Variants in TMF1 observed in about 807,000 individuals in gnomAD.
TMF1 encodes the protein TATA element modulatory factor 1, also known as TATA element modulatory factor.
Under a neutral mutation model 126.5 loss-of-function variants are expected in TMF1, and 71 were observed. That is an observed-to-expected ratio of 0.56 (90% CI 0.46 to 0.68). The LOEUF (loss-of-function observed/expected upper bound fraction) is 0.68, where lower values mean the gene tolerates loss of function less well. Ranked by LOEUF, TMF1 falls within the 30% of genes least tolerant of loss-of-function variation. The pLI is 0.00. For synonymous variants in TMF1, 461 were observed against 430.5 expected (o/e 1.07, Z -0.88); for missense variants, 1,259 against 1,253.2 (o/e 1.00, Z -0.07).
At chr3:69,023,655 C>T (rs1421457836) in intron 16 of TMF1, among the ~76,000 whole-genome samples, 2 of 152,074 alleles carry the variant, frequency 1.3e-5, no homozygotes, top group African/African-American at 2.4e-5. Flanking sequence ...TATTACCCGG[C>T]ATTTAGCCCA....
chr3:69,036,586 A>C (rs1205233077), intron 8 of TMF1, among the ~76,000 whole-genome samples: 1 of 152,230 alleles, frequency 6.6e-6, no homozygotes, highest in African/African-American at 2.4e-5. Flanking sequence ...CCAAACTCTA[A>C]TAAAATGGTT....
At chr3:69,037,533 T>G (rs2107462902) in intron 8 of TMF1, among the ~76,000 whole-genome samples, 1 of 152,094 alleles carries the variant, frequency 6.6e-6, no homozygotes, top group African/African-American at 2.4e-5. Context: ...TCCCAGCTAC[T>G]CGGGAGGCTG....
intron 5 of TMF1, chr3:69,042,588 T>C (rs757622299): frequency 1.5e-6 from 1 of 647,946 alleles, no homozygotes. Flanking sequence ...GGGACTTACT[T>C]TTCTTTTTAC....
intron 8 of TMF1, 82 bp downstream of exon 8, chr3:69,038,482 A>G (rs1056111374): frequency 1.4e-6 from 2 of 1,470,292 alleles, no homozygotes; most frequent in Non-Finnish European, 1.9e-6. Context: ...ACATTGTTTG[A>G]TTCAAACCAG....
Position 69,052,021 on chromosome 3 carries a change from C to G in TMF1, c.66G>C (p.Lys22Asn). ...FAKQALSQAQKSIDRVLDIQE... is the reference protein window; with the variant it reads ...FAKQALSQAQNSIDRVLDIQE... ...GGATGTCCAGAACCCTGTCAATAGACTTCTGGGCCTGGGACAGGGCCTGCT... is the reference window on the plus strand; with the variant it reads ...GGATGTCCAGAACCCTGTCAATAGAGTTCTGGGCCTGGGACAGGGCCTGCT... Residue 22 changes from lysine (K) to asparagine (N), a missense_variant, in exon 1 of 17, where the codon AAG (lysine) becomes AAC (asparagine). By Grantham distance (94) the Lys-to-Asn change is moderately conservative. Coordinates refer to ENST00000398559, the MANE Select transcript of TMF1 (RefSeq NM_007114.3). The G allele has an allele frequency of 1.9e-6, 3 of 1,614,030 alleles. No homozygotes were observed. Among genetic ancestry groups the G allele is most frequent in the Non-Finnish European group, 2.5e-6 (3 of 1,179,976 alleles).
In TMF1 at chr3:69,047,768, G is replaced by A. The variant is rs1559635768; in HGVS notation, c.937C>T (p.Leu313Phe). 1 of 1,614,108 alleles carries A rather than the reference G, an allele frequency of 6.2e-7. No individual in the cohort carries two copies. The highest frequency in any genetic ancestry group is 8.5e-7 in the Non-Finnish European group (1 of 1,180,016). ...TCAGATGAACAGCAACTCTCAGTGA[G>A]TTTTTGGAAATCATCTAAACGATTA... ...EYNRLDDFQK[L>F]TESCCSSDAF... Residue 313 changes from leucine to phenylalanine, a missense_variant, in exon 2 of 17, where the codon CTC becomes TTC. Coordinates refer to ENST00000398559, the MANE Select transcript of TMF1 (RefSeq NM_007114.3).
Position 69,042,802 on chromosome 3 carries a change from C to T in TMF1, c.1684+5G>A, listed in dbSNP as rs772698238. 11 of 1,609,678 alleles carry T rather than the reference C, an allele frequency of 6.8e-6. No homozygotes were observed. The highest frequency in any genetic ancestry group is 2.2e-5 in the East Asian group (1 of 44,800). ...TTTTCATAGTCAACCAAATACTATA[C>T]GCACCTTCTTCCATTAACCCTCGGA... On this transcript the variant is annotated splice_donor_5th_base_variant and intron_variant, in intron 5 of 16. Coordinates refer to ENST00000398559, the MANE Select transcript of TMF1 (RefSeq NM_007114.3).
At chr3:69,031,497 T>C (rs889986302) in intron 10 of TMF1, among the ~76,000 whole-genome samples, 7 of 152,202 alleles carry the variant, frequency 4.6e-5, no homozygotes, top group South Asian at 2.1e-4. Context: ...ATTGTATCAA[T>C]GTCAATACCA....
At chr3:69,023,780 C>T (rs1303883110) in intron 16 of TMF1, among the ~76,000 whole-genome samples, 2 of 152,066 alleles carry the variant, frequency 1.3e-5, no homozygotes, top group Admixed American at 1.3e-4. Context: ...CAAAATATTA[C>T]TAAGATCATA....
At chr3:69,051,140 C>A (rs962877972) in intron 1 of TMF1, among the ~76,000 whole-genome samples, 2 of 152,114 alleles carry the variant, frequency 1.3e-5, no homozygotes, top group African/African-American at 4.8e-5. Context: ...ATGTAAAACA[C>A]GGATATAAAC....
chr3:69,047,754 G>A lies in TMF1; in HGVS notation c.951C>T (p.Cys317=), dbSNP rs748031337. 6.2e-7 allele frequency: 1 copy of A among 1,613,960 alleles called. No individual in the cohort carries two copies. Among genetic ancestry groups the A allele is most frequent in the Non-Finnish European group, 8.5e-7 (1 of 1,180,028 alleles). The change falls in exon 2 of 17, where the codon TGC becomes TGT. Residue 317 remains cysteine, a synonymous_variant. Transcript: ENST00000398559. The stretch of plus-strand genomic sequence containing the variant: ...TTCTTTCAAAAGCATCAGATGAACA[G>A]CAACTCTCAGTGAGTTTTTGGAAAT... The part of the protein sequence containing the change: ...LDDFQKLTES[C]CSSDAFERID...
At chr3:69,025,512 G>A (rs2091762948) in intron 15 of TMF1, 48 bp downstream of exon 15, 1 of 1,529,560 alleles carries the variant, frequency 6.5e-7, no homozygotes, top group Non-Finnish European at 8.9e-7. Flanking sequence ...TATTTATTAG[G>A]CCTCAAAACT....
chr3:69,029,768 A>G, intron 11 of TMF1, 47 bp downstream of exon 11: 1 of 1,528,428 alleles, frequency 6.5e-7, no homozygotes, highest in Non-Finnish European at 8.8e-7. Flanking sequence ...AAAGTGCTTT[A>G]GGATGTCACG....
At chr3:69,038,395 A>T (rs2091844477) in intron 8 of TMF1, among the ~76,000 whole-genome samples, 169 bp downstream of exon 8, 1 of 152,260 alleles carries the variant, frequency 6.6e-6, no homozygotes, top group African/African-American at 2.4e-5. Context: ...CGTAAGCATT[A>T]CTTTAACAGT....
rs1444056064 is a variant in TMF1, at chr3:69,039,003, C to A, written c.1834G>T (p.Asp612Tyr). The A allele has an allele frequency of 6.3e-7, 1 of 1,585,032 alleles. No individual in the cohort carries two copies. The highest frequency in any genetic ancestry group is 1.4e-5 in the African/African-American group (1 of 73,374). The stretch of plus-strand genomic sequence containing the variant: ...TGTTTCTCAACCTCTTCTTTGCCAT[C>A]AAGGACCTATATGTTATAAAAACAG... Reference protein sequence around the residue: ...EELQHLKQVLDGKEEVEKQHR... With the variant: ...EELQHLKQVLYGKEEVEKQHR... The change falls in exon 7 of 17, where the codon GAT becomes TAT. Residue 612 changes from aspartate (D) to tyrosine (Y), a missense_variant. Transcript: ENST00000398559.
chr3:69,045,616 C>T (rs2091891492), intron 2 of TMF1, among the ~76,000 whole-genome samples: 1 of 151,802 alleles, frequency 6.6e-6, no homozygotes, highest in South Asian at 2.1e-4. Flanking sequence ...CCCATCTCTA[C>T]AAAAAATACA....
chr3:69,047,198 T>C (rs2091900011), intron 2 of TMF1, 160 bp downstream of exon 2: 1 of 744,052 alleles, frequency 1.3e-6, no homozygotes, highest in South Asian at 2.9e-5. Context: ...ATATTAATAA[T>C]TGTTCAACTT....
intron 8 of TMF1, among the ~76,000 whole-genome samples, chr3:69,035,862 C>T (rs2091828585): frequency 6.6e-6 from 1 of 151,866 alleles, no homozygotes; most frequent in South Asian, 2.1e-4. Context: ...TAGAATGAAA[C>T]ACTAACACAC....
rs1223692573 is a variant in TMF1 at position 69,022,019 on chromosome 3, T to C, written c.*1158A>G. 6.6e-6 allele frequency: 1 copy of C among 152,624 alleles called. No homozygotes were observed. Among genetic ancestry groups the C allele is most frequent in the East Asian group, 1.9e-4 (1 of 5,202 alleles). 9.5% of individuals were successfully genotyped at this position (152,624 alleles called of 1,614,324 possible). ...GTTTTTATGTGCAAGTAAAGGCAGT[T>C]AAATAACTTTCAGTAATAAAATGCA... On this transcript the variant is annotated 3_prime_UTR_variant, in exon 17 of 17. Coordinates refer to ENST00000398559, the MANE Select transcript of TMF1 (RefSeq NM_007114.3).
Sources: gnomAD v4.1 joint callset for allele counts (sites outside exome capture counted in the v4.1 genomes callset) on GRCh38, gnomAD v4.1.1 for gene constraint, MANE v1.5 for transcripts, NCBI Gene and HGNC (gene_info 2026-07-23, HGNC 2026-07-21) for gene names.